The following GYPE variants were observed in gnomAD, a reference collection of about 807,000 sequenced individuals.
GYPE encodes glycophorin E (MNS blood group).
In GYPE, 8 loss-of-function variants were observed where a neutral mutation model predicts 11.6. The observed-to-expected ratio is 0.69, with a 90% CI of 0.41 to 1.25. The LOEUF (loss-of-function observed/expected upper bound fraction) is 1.25, where lower values mean the gene tolerates loss of function less well. GYPE is among the 50% of genes most tolerant of loss of function. The pLI is 0.01. For synonymous variants in GYPE, 28 were observed against 29.6 expected (o/e 0.94, Z 0.18); for missense variants, 90 against 92.8 (o/e 0.97, Z 0.12).
chr4:143,880,142 C>G (rs1423969986), intron 2 of GYPE, among the ~76,000 whole-genome samples: 1 of 152,218 alleles, frequency 6.6e-6, no homozygotes, highest in African/African-American at 2.4e-5. Flanking sequence ...TCCCCTTTAT[C>G]TGGCCCACTA....
At chr4:143,880,549 G>C in intron 1 of GYPE, 40 bp from the exon 2 acceptor site, 1 of 1,613,170 alleles carries the variant, frequency 6.2e-7, no homozygotes, top group Non-Finnish European at 8.5e-7. Flanking sequence ...TAAGAACGAG[G>C]TGACTGAGCG....
intron 1 of GYPE, among the ~76,000 whole-genome samples, chr4:143,904,230 A>T (rs1744976551): frequency 6.6e-6 from 1 of 151,998 alleles, no homozygotes; most frequent in Admixed American, 6.6e-5. Context: ...TTATTTTAAT[A>T]ATATATTATT....
intron 1 of GYPE, among the ~76,000 whole-genome samples, chr4:143,889,138 G>T (rs2149910403): frequency 6.7e-6 from 1 of 149,848 alleles, no homozygotes; most frequent in East Asian, 2.0e-4. Context: ...ACTTGGTAGA[G>T]AAGGGTGCTG....
chr4:143,893,713 A>T (rs1744503614), intron 1 of GYPE, among the ~76,000 whole-genome samples: 1 of 152,008 alleles, frequency 6.6e-6, no homozygotes, highest in South Asian at 2.1e-4. Flanking sequence ...TTTGTGGGTA[A>T]CCCGACCTGT....
intron 3 of GYPE, among the ~76,000 whole-genome samples, chr4:143,874,124 T>C (rs866072405): frequency 6.6e-6 from 1 of 152,146 alleles, no homozygotes; most frequent in Non-Finnish European, 1.5e-5. Flanking sequence ...ATATATGTAT[T>C]TAGTTTTGAA....
At chr4:143,883,506 T>A (rs1744122136) in intron 1 of GYPE, among the ~76,000 whole-genome samples, 1 of 146,298 alleles carries the variant, frequency 6.8e-6, no homozygotes, top group East Asian at 2.0e-4. Context: ...TAATTAATTA[T>A]AAATTAATTT....
chr4:143,876,794 A>C lies in GYPE; in HGVS notation c.198T>G (p.Val66=). ...AAGAAATTAAGATGATCATTCCAAC[A>C]ACAACAAGCATCACCTCAAAAATAA... ...ARVIFEVMLV[V]VGMIILISYC... is the part of the protein sequence containing the mutation. Residue 66 remains valine, a synonymous_variant, in exon 3 of 4, where the codon GTT becomes GTG. Transcript: ENST00000358615. 1 of 1,610,330 alleles carries C rather than the reference A, an allele frequency of 6.2e-7. No individual in the cohort carries two copies. Among genetic ancestry groups the C allele is most frequent in the Non-Finnish European group, 8.5e-7 (1 of 1,177,158 alleles).
chr4:143,876,943 C>T, intron 2 of GYPE, 88 bp from the exon 3 acceptor site: 2 of 748,240 alleles, frequency 2.7e-6, no homozygotes, highest in Non-Finnish European at 4.8e-6. Flanking sequence ...ATCAGCATAA[C>T]ATCACCTTGC....
At chr4:143,895,675 C>T (rs1250181133) in intron 1 of GYPE, among the ~76,000 whole-genome samples, 1 of 136,996 alleles carries the variant, frequency 7.3e-6, no homozygotes, top group African/African-American at 2.7e-5. Context: ...TCATATGGAA[C>T]CAAAAAAGAG....
At chr4:143,874,125 T>C (rs1301954329) in intron 3 of GYPE, among the ~76,000 whole-genome samples, 1 of 152,184 alleles carries the variant, frequency 6.6e-6, no homozygotes, top group Non-Finnish European at 1.5e-5. Context: ...TATATGTATT[T>C]AGTTTTGAAA....
intron 3 of GYPE, among the ~76,000 whole-genome samples, chr4:143,876,333 C>T (rs189888399): frequency 6.6e-6 from 1 of 152,236 alleles, no homozygotes; most frequent in East Asian, 1.9e-4. Context: ...AGGCTGGTCT[C>T]AAACTCCTGA....
intron 2 of GYPE, among the ~76,000 whole-genome samples, chr4:143,877,626 T>G (rs1049950928): frequency 1.3e-5 from 2 of 152,194 alleles, no homozygotes; most frequent in African/African-American, 4.8e-5. Flanking sequence ...CTAATTAATA[T>G]TTAAAAGTCC....
chr4:143,895,343 G>A (rs1744585716), intron 1 of GYPE, among the ~76,000 whole-genome samples: 1 of 152,092 alleles, frequency 6.6e-6, no homozygotes, highest in South Asian at 2.1e-4. Context: ...AAAATCACAA[G>A]CATTCTTATA....
intron 1 of GYPE, among the ~76,000 whole-genome samples, chr4:143,885,541 C>A (rs1345843903): frequency 6.6e-6 from 1 of 152,072 alleles, no homozygotes. Flanking sequence ...CTCAAGTATA[C>A]AAAGCTGGAC....
chr4:143,891,132 T>G (rs4835371), intron 1 of GYPE, among the ~76,000 whole-genome samples: 1 of 151,056 alleles, frequency 6.6e-6, no homozygotes, highest in East Asian at 2.0e-4. Flanking sequence ...TTGTGGGCCA[T>G]AACTACTTTA....
intron 3 of GYPE, among the ~76,000 whole-genome samples, chr4:143,873,079 G>C (rs1485668091): frequency 1.3e-5 from 2 of 152,138 alleles, no homozygotes; most frequent in African/African-American, 2.4e-5. Flanking sequence ...GTAGAGACAG[G>C]GAGACAAGCT....
At chr4:143,878,313 T>G (rs1229616467) in intron 2 of GYPE, among the ~76,000 whole-genome samples, 2 of 152,072 alleles carry the variant, frequency 1.3e-5, no homozygotes, top group African/African-American at 4.8e-5. Context: ...ATTTTTGTAT[T>G]TTTTGTAGAG....
rs1254983116 is a variant in GYPE, at chr4:143,896,563, T to G, written c.37+8908A>C. Among the ~76,000 whole-genome samples, 4 of 152,290 alleles carry G rather than the reference T, an allele frequency of 2.6e-5. No homozygotes were observed. The East Asian group carries it at 5.8e-4, about 22-fold the overall frequency. On this transcript the variant is annotated intron_variant, in intron 1 of 3. Coordinates refer to ENST00000358615, the MANE Select transcript of GYPE (RefSeq NM_198682.3). ...AACACTTTTACATTGTTGGTGGGAC[T>G]GTAAACTAGTTCAACCATTGTGGAA... is the stretch of plus-strand genomic sequence containing the variant.
intron 2 of GYPE, among the ~76,000 whole-genome samples, chr4:143,878,954 G>A (rs1396433105): frequency 6.6e-6 from 1 of 152,112 alleles, no homozygotes; most frequent in Admixed American, 6.5e-5. Flanking sequence ...GAAAGTATTG[G>A]AAGAATCACT....
Sources: gnomAD v4.1 joint callset for allele counts (sites outside exome capture counted in the v4.1 genomes callset) on GRCh38, gnomAD v4.1.1 for gene constraint, MANE v1.5 for transcripts, NCBI Gene and HGNC (gene_info 2026-07-23, HGNC 2026-07-21) for gene names.